Variants in GALNT13 observed in about 807,000 individuals in gnomAD.
GALNT13 encodes polypeptide N-acetylgalactosaminyltransferase 13.
A neutral mutation model predicts 64.2 loss-of-function variants in GALNT13; 28 were observed. That is an observed-to-expected ratio of 0.44 (90% CI 0.32 to 0.60). The LOEUF is 0.60. Among genes scored for constraint, GALNT13 ranks in the 20% least tolerant of loss-of-function variants. The pLI is 0.05. For synonymous variants in GALNT13, 214 were observed against 224.6 expected (o/e 0.95, Z 0.42); for missense variants, 577 against 669.8 (o/e 0.86, Z 1.53).
chr2:153,544,010 A>G, the GALNT13 span, among the ~76,000 whole-genome samples: 3 of 152,188 alleles, frequency 2.0e-5, no homozygotes, highest in Non-Finnish European at 4.4e-5. Context: ...AACTGGGAGC[A>G]CACGTCATCA....
the GALNT13 span, among the ~76,000 whole-genome samples, chr2:153,726,556 C>T: frequency 6.6e-6 from 1 of 152,220 alleles, no homozygotes; most frequent in East Asian, 1.9e-4. Flanking sequence ...AAACTTCTAC[C>T]TGCTTATTTT....
At chr2:154,205,961 A>T (rs1687419706) in intron 4 of GALNT13, among the ~76,000 whole-genome samples, 1 of 152,020 alleles carries the variant, frequency 6.6e-6, no homozygotes, top group African/African-American at 2.4e-5. Context: ...GCTCTGACAT[A>T]CATGTTTTGA....
chr2:153,600,122 T>C, the GALNT13 span, among the ~76,000 whole-genome samples: 1 of 151,986 alleles, frequency 6.6e-6, no homozygotes, highest in African/African-American at 2.4e-5. Flanking sequence ...ACCAGAACCA[T>C]AGAGGCCAGG....
intron 3 of GALNT13, among the ~76,000 whole-genome samples, chr2:154,061,764 T>A (rs2105368735): frequency 6.6e-6 from 1 of 152,212 alleles, no homozygotes; most frequent in East Asian, 1.9e-4. Flanking sequence ...TTTCCATTTT[T>A]TGGCTTTATG....
At chr2:154,434,810 G>GCT (rs1700874375) in intron 11 of GALNT13, among the ~76,000 whole-genome samples, 1 of 152,006 alleles carries the variant, frequency 6.6e-6, no homozygotes, top group Non-Finnish European at 1.5e-5. Flanking sequence ...CATACAAAGA[G>GCT]CTCTACATGT....
the GALNT13 span, among the ~76,000 whole-genome samples, chr2:153,328,918 A>C: frequency 6.6e-6 from 1 of 151,720 alleles, no homozygotes; most frequent in African/African-American, 2.4e-5. Flanking sequence ...TGTGCTTGAA[A>C]ACCAGGGCTC....
At chr2:153,978,047 G>C (rs1252118931) in intron 3 of GALNT13, among the ~76,000 whole-genome samples, 1 of 151,870 alleles carries the variant, frequency 6.6e-6, no homozygotes, top group African/African-American at 2.4e-5. Context: ...AGATTTAATA[G>C]CTTTTCCAAA....
chr2:153,105,177 A>G, the GALNT13 span, among the ~76,000 whole-genome samples: 1 of 151,540 alleles, frequency 6.6e-6, no homozygotes, highest in Non-Finnish European at 1.5e-5. Flanking sequence ...ATCCACCATG[A>G]TCAAGTGGGC....
In GALNT13 at chr2:154,218,315, C is replaced by T. The variant is rs370898414; in HGVS notation, c.312-23715C>T. Among the ~76,000 whole-genome samples, 6 of 152,182 alleles carry T rather than the reference C, an allele frequency of 3.9e-5. No individual in the cohort carries two copies. In the East Asian group the frequency reaches 9.7e-4, roughly 25 times the overall value. ...AGATGTGACAGTAACTACATTTCCT[C>T]AGTCTCCAAACCCTCCTTCTCTCCT... On this transcript the variant is annotated intron_variant, in intron 4 of 12. Transcript: ENST00000392825.
At chr2:153,378,060 G>A in the GALNT13 span, among the ~76,000 whole-genome samples, 265 of 151,844 alleles carry the variant, frequency 1.7e-3, 1 homozygote, top group African/African-American at 4.4e-3. Context: ...TTATTCTTTA[G>A]AGTCTCAAAA....
At chr2:154,110,182 TTTGTTG>T (rs542585700) in intron 3 of GALNT13, among the ~76,000 whole-genome samples, 1 of 149,484 alleles carries the variant, frequency 6.7e-6, no homozygotes, top group Admixed American at 6.7e-5. Flanking sequence ...GATTTTGTCT[TTTGTTG>T]TTGTTGTTGT....
At chr2:153,535,564 A>G in the GALNT13 span, among the ~76,000 whole-genome samples, 2 of 151,348 alleles carry the variant, frequency 1.3e-5, no homozygotes, top group Admixed American at 6.6e-5. Flanking sequence ...TGGTGTCTGG[A>G]ATGAGACTGG....
intron 3 of GALNT13, among the ~76,000 whole-genome samples, chr2:154,013,906 CT>C (rs1394012557): frequency 6.6e-6 from 1 of 152,154 alleles, no homozygotes; most frequent in African/African-American, 2.4e-5. Context: ...AGAGTCCGGT[CT>C]GCTGGACTTC....
chr2:153,732,536 C>T, the GALNT13 span, among the ~76,000 whole-genome samples: 1 of 151,998 alleles, frequency 6.6e-6, no homozygotes, highest in Admixed American at 6.6e-5. Flanking sequence ...GAACTCTACC[C>T]TAGCACCTTT....
intron 4 of GALNT13, among the ~76,000 whole-genome samples, chr2:154,189,083 A>G (rs967881409): frequency 6.6e-6 from 1 of 152,200 alleles, no homozygotes; most frequent in African/African-American, 2.4e-5. Context: ...GTTTGGAACT[A>G]AGATAATTAA....
chr2:154,144,148 T>A (rs1683430404), intron 4 of GALNT13, among the ~76,000 whole-genome samples: 1 of 152,108 alleles, frequency 6.6e-6, no homozygotes. Flanking sequence ...ACAGTATATG[T>A]TATAAGTAAG....
chr2:153,872,187 A>C lies in GALNT13; in HGVS notation c.-293A>C, dbSNP rs1397070442. On this transcript the variant is annotated 5_prime_UTR_variant, in exon 1 of 13. Transcript: ENST00000392825. ...CGGCGCGGGTTCCAGGTGAGCGCGG[A>C]CTCGGCGAGCCCCGCACTCGGCGCG... 6.7e-5 allele frequency: 10 copies of C among 149,790 alleles called. No homozygotes were observed. In the East Asian group the frequency reaches 2.0e-3, roughly 31 times the overall value. The allele number at this position is 149,790 out of a possible 1,614,324, so 9.3% of individuals were successfully genotyped here. A position where few individuals can be genotyped will look rare whatever the true frequency, so the allele number is the denominator to read the frequency against.
chr2:153,721,899 GA>G, the GALNT13 span, among the ~76,000 whole-genome samples: 1 of 150,480 alleles, frequency 6.6e-6, no homozygotes, highest in African/African-American at 2.5e-5. Context: ...ACAGATCAAC[GA>G]GACAGAAAGT....
the GALNT13 span, among the ~76,000 whole-genome samples, chr2:153,856,396 G>A: frequency 6.7e-4 from 102 of 152,164 alleles, no homozygotes; most frequent in African/African-American, 2.2e-3. Context: ...TTTAACACAC[G>A]TGATCAATAA....
Sources: allele counts gnomAD v4.1 joint callset (sites outside exome capture counted in the v4.1 genomes callset), GRCh38; gene constraint gnomAD v4.1.1; transcripts MANE v1.5; gene names NCBI Gene and HGNC (gene_info 2026-07-23, HGNC 2026-07-21).